SDK2: variants seen among roughly 807,000 people sequenced by gnomAD.
SDK2 encodes protein sidekick-2.
Under a neutral mutation model 253.9 loss-of-function variants are expected in SDK2, and 105 were observed. That is an observed-to-expected ratio of 0.41 (90% confidence interval 0.35 to 0.49). SDK2 has a LOEUF of 0.49. Ranked by LOEUF, SDK2 falls within the 20% of genes least tolerant of loss-of-function variation. The pLI is 0.06. For missense variants in SDK2, 2,608 were observed against 3,003.0 expected (o/e 0.87, Z 3.07); for synonymous variants, 1,249 against 1,234.9 (o/e 1.01, Z -0.24).
chr17:73,425,073 T>A lies in SDK2; in HGVS notation c.1584-981A>T, dbSNP rs1599554296. 2.6e-5 allele frequency among the ~76,000 whole-genome samples: 4 copies of A among 152,016 alleles called. No homozygotes were observed. The South Asian group carries it at 6.2e-4, about 24-fold the overall frequency. On this transcript the variant is annotated intron_variant, in intron 12 of 44. Coordinates refer to ENST00000392650, the MANE Select transcript of SDK2 (RefSeq NM_001144952.2). ...TGTCTCTACTAAAAATACAGAAATT[T>A]GCCGGGCGTGGTGGCCAGTGCCTGT...
chr17:73,410,391 G>A (rs1374535756), intron 18 of SDK2, among the ~76,000 whole-genome samples: 1 of 152,178 alleles, frequency 6.6e-6, no homozygotes, highest in African/African-American at 2.4e-5. Flanking sequence ...TCAGCTCACT[G>A]CAATGTCCGC....
At chr17:73,619,415 T>G (rs1456089619) in intron 1 of SDK2, among the ~76,000 whole-genome samples, 1 of 152,108 alleles carries the variant, frequency 6.6e-6, no homozygotes, top group Admixed American at 6.5e-5. Context: ...GAGACCGGTG[T>G]AACAGAACAG....
chr17:73,594,983 C>A (rs2045735052), intron 1 of SDK2, among the ~76,000 whole-genome samples: 1 of 152,194 alleles, frequency 6.6e-6, no homozygotes, highest in African/African-American at 2.4e-5. Context: ...GCTTCACTCC[C>A]CCAGCCCTTG....
At chr17:73,385,696 C>A in intron 32 of SDK2, 151 bp downstream of exon 32, 2 of 700,080 alleles carry the variant, frequency 2.9e-6, no homozygotes, top group Non-Finnish European at 5.1e-6. Flanking sequence ...CTGTGACATG[C>A]ACATGCCTGG....
At chr17:73,632,375 C>T (rs2143265032) in intron 1 of SDK2, among the ~76,000 whole-genome samples, 1 of 152,348 alleles carries the variant, frequency 6.6e-6, no homozygotes, top group East Asian at 1.9e-4. Context: ...GTCTTCCAGC[C>T]TCCATCTTTC....
intron 27 of SDK2, among the ~76,000 whole-genome samples, chr17:73,392,197 G>A (rs1295772440): frequency 5.1e-5 from 5 of 97,780 alleles, no homozygotes; most frequent in Non-Finnish European, 1.0e-4. Flanking sequence ...AGGGGGTGGG[G>A]GAGGGTAGCT....
At chr17:73,494,109 G>C (rs1872078) in intron 2 of SDK2, among the ~76,000 whole-genome samples, 1 of 152,028 alleles carries the variant, frequency 6.6e-6, no homozygotes, top group African/African-American at 2.4e-5. Flanking sequence ...CCAGGGAAAT[G>C]ACACTGAGTG....
At chr17:73,542,677 G>A (rs900615782) in intron 1 of SDK2, among the ~76,000 whole-genome samples, 2 of 152,190 alleles carry the variant, frequency 1.3e-5, no homozygotes, top group Non-Finnish European at 2.9e-5. Context: ...CAGCCACGGA[G>A]AGGCAGTAGT....
At chr17:73,492,376 G>A (rs931125466) in intron 2 of SDK2, among the ~76,000 whole-genome samples, 4 of 152,088 alleles carry the variant, frequency 2.6e-5, no homozygotes, top group African/African-American at 7.2e-5. Flanking sequence ...TGAGTGCCGC[G>A]GTGGCTGGAG....
chr17:73,555,735 G>A lies in SDK2; in HGVS notation c.65-48138C>T, dbSNP rs372666459. ...GACCACATAAGCAGCAGATGTCGGC[G>A]GATTAGCAGCTCTGCTTCCCAAAGC... On this transcript the variant is annotated intron_variant, in intron 1 of 44. Coordinates refer to ENST00000392650, the MANE Select transcript of SDK2 (RefSeq NM_001144952.2). Among the ~76,000 whole-genome samples, 19 of 152,328 alleles carry A rather than the reference G, an allele frequency of 1.2e-4. No individual in the cohort carries two copies. The South Asian group carries it at 3.3e-3, about 27-fold the overall frequency.
At chr17:73,495,253 C>T (rs1291568337) in intron 2 of SDK2, among the ~76,000 whole-genome samples, 1 of 152,228 alleles carries the variant, frequency 6.6e-6, no homozygotes, top group African/African-American at 2.4e-5. Flanking sequence ...TGGGAGAGTC[C>T]AGGGGATGCC....
At chr17:73,412,613 C>T (rs2063148493) in intron 18 of SDK2, among the ~76,000 whole-genome samples, 3 of 151,990 alleles carry the variant, frequency 2.0e-5, no homozygotes, top group African/African-American at 7.3e-5. Flanking sequence ...GACTGAGGTC[C>T]CTATAAGAAG....
intron 2 of SDK2, among the ~76,000 whole-genome samples, chr17:73,483,671 A>G (rs1249075616): frequency 0.32 from 22,267 of 69,518 alleles, 4,567 homozygotes; most frequent in Admixed American, 0.38. Context: ...GTATATATAT[A>G]TATATATATA....
chr17:73,589,621 C>A (rs768094498), intron 1 of SDK2, among the ~76,000 whole-genome samples: 1 of 152,226 alleles, frequency 6.6e-6, no homozygotes, highest in Non-Finnish European at 1.5e-5. Flanking sequence ...GAAGCTCAGA[C>A]AGGCACTCTG....
chr17:73,434,890 G>A (rs1321897077), intron 9 of SDK2, among the ~76,000 whole-genome samples: 12 of 152,140 alleles, frequency 7.9e-5, no homozygotes, highest in African/African-American at 2.9e-4. Flanking sequence ...TCGACCTCCC[G>A]AAGTGCTGGG....
At chr17:73,588,184 C>G (rs1041642512) in intron 1 of SDK2, among the ~76,000 whole-genome samples, 31 of 143,132 alleles carry the variant, frequency 2.2e-4, no homozygotes, top group African/African-American at 8.1e-4. Flanking sequence ...ACCAGCCTGA[C>G]CAACATGGAG....
At chr17:73,588,748 G>T (rs987322142) in intron 1 of SDK2, among the ~76,000 whole-genome samples, 1 of 152,228 alleles carries the variant, frequency 6.6e-6, no homozygotes, top group East Asian at 1.9e-4. Flanking sequence ...TCAGTAGTGC[G>T]GAGACTGGGA....
intron 1 of SDK2, among the ~76,000 whole-genome samples, chr17:73,529,813 G>C (rs1408428166): frequency 6.6e-6 from 1 of 152,198 alleles, no homozygotes; most frequent in Non-Finnish European, 1.5e-5. Context: ...AACCCGCTGG[G>C]CTGACACCTT....
Position 73,402,039 on chromosome 17 carries a change from T to C in SDK2, c.2587A>G (p.Lys863Glu), listed in dbSNP as rs1316516090. ...ACTGAGGTGAAGTACTCGGTGAACT[T>C]CTTCAGGCCAGACACGAAGCCCACG... Reference protein sequence around the residue: ...IHVGFVSGLKKFTEYFTSVLC... With the variant: ...IHVGFVSGLKEFTEYFTSVLC... Residue 863 changes from lysine to glutamate, a missense_variant, in exon 19 of 45, where the codon AAG becomes GAG. By Grantham distance (56) the Lys-to-Glu change is moderately conservative. This residue lies in a region of SDK2 where 1,505 missense variants were observed against 1,859.1 expected (regional missense o/e 0.81). Transcript: ENST00000392650. 6.2e-7 allele frequency: 1 copy of C among 1,613,946 alleles called. No individual in the cohort carries two copies. Among genetic ancestry groups the C allele is most frequent in the Non-Finnish European group, 8.5e-7 (1 of 1,179,858 alleles).
Sources: gnomAD v4.1 joint callset for allele counts (sites outside exome capture counted in the v4.1 genomes callset) on GRCh38, gnomAD v4.1.1 for gene constraint, gnomAD v4.1.1 regional missense constraint, MANE v1.5 for transcripts, NCBI Gene and HGNC (gene_info 2026-07-23, HGNC 2026-07-21) for gene names.